NRG3: variants seen among roughly 807,000 people sequenced by gnomAD.
The protein encoded by NRG3 is neuregulin 3.
In NRG3, 31 loss-of-function variants were observed where a neutral mutation model predicts 66.9. The observed-to-expected ratio is 0.46, with a 90% CI of 0.35 to 0.63. NRG3 has a LOEUF of 0.63. NRG3 is among the 20% of genes least tolerant of loss of function. NRG3 has a pLI of 0.00. For missense variants in NRG3, 910 were observed against 878.9 expected, an observed-to-expected ratio of 1.04 and a Z score of -0.45; for synonymous variants, 393 against 359.4, an observed-to-expected ratio of 1.09 and a Z score of -1.06.
chr10:82,892,863 A>C (rs1843286880), intron 4 of NRG3, among the ~76,000 whole-genome samples: 1 of 152,046 alleles, frequency 6.6e-6, no homozygotes, highest in Non-Finnish European at 1.5e-5. Flanking sequence ...CTAGTTAATA[A>C]AATGTTTACC....
intron 1 of NRG3, among the ~76,000 whole-genome samples, chr10:81,917,860 G>T (rs1384161020): frequency 6.6e-6 from 1 of 152,174 alleles, no homozygotes; most frequent in African/African-American, 2.4e-5. Flanking sequence ...TTCAGGAGGG[G>T]AAAGTCATTT....
intron 2 of NRG3, among the ~76,000 whole-genome samples, chr10:82,433,809 T>C (rs2089969572): frequency 6.6e-6 from 1 of 152,196 alleles, no homozygotes; most frequent in African/African-American, 2.4e-5. Context: ...TAGGTCTATA[T>C]GTCTGTTTTG....
At chr10:82,971,134 T>G (rs998104120) in intron 6 of NRG3, among the ~76,000 whole-genome samples, 1 of 152,082 alleles carries the variant, frequency 6.6e-6, no homozygotes, top group Non-Finnish European at 1.5e-5. Flanking sequence ...ATTAATAGAA[T>G]GAGAACTCAC....
At chr10:82,513,553 A>G (rs1454210480) in intron 2 of NRG3, among the ~76,000 whole-genome samples, 4 of 152,146 alleles carry the variant, frequency 2.6e-5, no homozygotes, top group Admixed American at 2.6e-4. Flanking sequence ...ACTGACTTAC[A>G]TTCCCATCAA....
Position 82,143,054 on chromosome 10 carries a change from C to T in NRG3, c.824-215685C>T, listed in dbSNP as rs1213745245. ...AAAGTGCTGGGATTACAGACCTGAG[C>T]CACTGTGCCCAGCCAAGATTTTCTT... On this transcript the variant is annotated intron_variant, in intron 1 of 8. Coordinates refer to ENST00000372141, the MANE Select transcript of NRG3 (RefSeq NM_001010848.4). Among the ~76,000 whole-genome samples the T allele has an allele frequency of 5.3e-5, 8 of 151,746 alleles. No individual in the cohort carries two copies. The East Asian group carries it at 1.6e-3, about 30-fold the overall frequency.
rs1234640063 is a variant in NRG3 at position 82,165,760 on chromosome 10, A to C, written c.824-192979A>C. Among the ~76,000 whole-genome samples the C allele has an allele frequency of 2.0e-5, 3 of 151,856 alleles. No individual in the cohort carries two copies. The East Asian group carries it at 5.8e-4, about 29-fold the overall frequency. On this transcript the variant is annotated intron_variant, in intron 1 of 8. Transcript: ENST00000372141. Reference sequence around the variant, plus strand: ...AGACTTTAGTATTTTATGTTGCTAAAGTAGACTTTTAAAATATTCTAAAGG... The same window carrying C: ...AGACTTTAGTATTTTATGTTGCTAACGTAGACTTTTAAAATATTCTAAAGG...
At chr10:82,934,600 C>T (rs868486362) in intron 4 of NRG3, among the ~76,000 whole-genome samples, 10 of 152,332 alleles carry the variant, frequency 6.6e-5, no homozygotes, top group South Asian at 4.1e-4. Context: ...TATCACCAAA[C>T]GCCTGTTGGT....
intron 1 of NRG3, among the ~76,000 whole-genome samples, chr10:82,210,723 C>T (rs1280649032): frequency 6.6e-6 from 1 of 152,130 alleles, no homozygotes; most frequent in Non-Finnish European, 1.5e-5. Flanking sequence ...AATTGACAAA[C>T]TGTTTAAGGC....
intron 1 of NRG3, among the ~76,000 whole-genome samples, chr10:82,167,930 AG>A (rs1276800161): frequency 6.6e-6 from 1 of 152,000 alleles, no homozygotes; most frequent in African/African-American, 2.4e-5. Flanking sequence ...AAAGCGTGAG[AG>A]GGATGTACAG....
chr10:81,946,300 C>T (rs1272232905), intron 1 of NRG3, among the ~76,000 whole-genome samples: 4 of 152,100 alleles, frequency 2.6e-5, no homozygotes, highest in Admixed American at 2.0e-4. Flanking sequence ...TACAGGCATA[C>T]GCCCAGCCAA....
chr10:82,976,107 G>A (rs1852226653), intron 7 of NRG3, among the ~76,000 whole-genome samples: 1 of 152,070 alleles, frequency 6.6e-6, no homozygotes, highest in Non-Finnish European at 1.5e-5. Context: ...CCAGGCTGGA[G>A]TGCAGTGGTG....
chr10:82,485,284 C>T (rs143466501), intron 2 of NRG3, among the ~76,000 whole-genome samples: 1,775 of 151,912 alleles, frequency 0.012, 17 homozygotes, highest in Non-Finnish European at 0.016. Context: ...GATAAACTTG[C>T]AAAGGAATAT....
At chr10:82,617,198 CACAA>C (rs1460851247) in intron 2 of NRG3, among the ~76,000 whole-genome samples, 1 of 151,294 alleles carries the variant, frequency 6.6e-6, no homozygotes, top group African/African-American at 2.4e-5. Flanking sequence ...CACACACAAA[CACAA>C]ACACACATCA....
chr10:82,747,582 A>C (rs2058697221), intron 3 of NRG3, among the ~76,000 whole-genome samples: 1 of 152,060 alleles, frequency 6.6e-6, no homozygotes, highest in Non-Finnish European at 1.5e-5. Context: ...GATTGCCAGC[A>C]ATATTGAATC....
At chr10:82,007,514 C>T (rs1411965550) in intron 1 of NRG3, among the ~76,000 whole-genome samples, 1 of 152,024 alleles carries the variant, frequency 6.6e-6, no homozygotes, top group African/African-American at 2.4e-5. Flanking sequence ...GGCCTAAAAT[C>T]AAATTTTCTA....
intron 2 of NRG3, among the ~76,000 whole-genome samples, chr10:82,669,094 C>T (rs989919245): frequency 1.3e-4 from 20 of 151,982 alleles, no homozygotes; most frequent in African/African-American, 4.8e-4. Flanking sequence ...GATATTGGTG[C>T]AAGTAGAATC....
At chr10:82,580,511 C>A (rs2046297819) in intron 2 of NRG3, among the ~76,000 whole-genome samples, 2 of 151,570 alleles carry the variant, frequency 1.3e-5, no homozygotes, top group South Asian at 4.1e-4. Flanking sequence ...ACACAGAATA[C>A]TCACATTTCC....
chr10:82,240,726 G>A (rs1321943628), intron 1 of NRG3, among the ~76,000 whole-genome samples: 1 of 152,112 alleles, frequency 6.6e-6, no homozygotes, highest in East Asian at 1.9e-4. Context: ...CAAATGGAAT[G>A]GCATTAGATC....
intron 2 of NRG3, among the ~76,000 whole-genome samples, chr10:82,371,112 G>A (rs2084860753): frequency 6.6e-6 from 1 of 152,080 alleles, no homozygotes; most frequent in Admixed American, 6.6e-5. Context: ...GAAGCCAACA[G>A]AATCTAGTGT....
Sources: gnomAD v4.1 joint callset for allele counts (sites outside exome capture counted in the v4.1 genomes callset) on GRCh38, gnomAD v4.1.1 for gene constraint, MANE v1.5 for transcripts, NCBI Gene and HGNC (gene_info 2026-07-23, HGNC 2026-07-21) for gene names.